HOXC4: variants seen among roughly 807,000 people sequenced by gnomAD.
The protein encoded by HOXC4 is homeobox protein Hox-C4.
Under a neutral mutation model 25.5 loss-of-function variants are expected in HOXC4, and 15 were observed. The ratio of observed to expected loss-of-function variants is 0.59; its 90% CI spans 0.39 to 0.91. The LOEUF (loss-of-function observed/expected upper bound fraction) is 0.91. Among genes scored for constraint, HOXC4 ranks in the 40% least tolerant of loss-of-function variants. The pLI is 0.00. For missense variants in HOXC4, 342 were observed against 352.4 expected (o/e 0.97, Z 0.24); for synonymous variants, 165 against 148.0 (o/e 1.11, Z -0.83).
intron 1 of HOXC4, among the ~76,000 whole-genome samples, chr12:54,040,123 AT>A (rs1420466452): frequency 6.6e-6 from 1 of 152,262 alleles, no homozygotes; most frequent in East Asian, 1.9e-4. Flanking sequence ...GAGGCCTGAA[AT>A]TCTTGGTTTT....
At chr12:54,034,030 T>C (rs1166184665) in intron 1 of HOXC4, 2 of 683,228 alleles carry the variant, frequency 2.9e-6, no homozygotes, top group East Asian at 2.9e-5. Context: ...GGTCTCCCTC[T>C]TCCCCCCAAC....
intron 1 of HOXC4, chr12:54,033,296 CCACGGGGTAGA>C: frequency 6.2e-7 from 1 of 1,614,180 alleles, no homozygotes; most frequent in Non-Finnish European, 8.5e-7. Context: ...CCAACTCTCT[CCACGGGGTAGA>C]CATGGCTGCC....
intron 1 of HOXC4, chr12:54,035,485 G>A (rs1271423760): frequency 6.6e-6 from 1 of 152,296 alleles, no homozygotes; most frequent in Non-Finnish European, 1.5e-5. Flanking sequence ...AGCTTCTAGG[G>A]GCAGTGAGTA....
intron 1 of HOXC4, chr12:54,034,147 C>A: frequency 1.1e-6 from 1 of 896,176 alleles, no homozygotes. Flanking sequence ...GCCTGCGGCC[C>A]GCGTGGCCTG....
intron 1 of HOXC4, among the ~76,000 whole-genome samples, chr12:54,024,447 C>T (rs1208417054): frequency 2.0e-5 from 3 of 152,240 alleles, no homozygotes; most frequent in African/African-American, 4.8e-5. Flanking sequence ...CAAACATCCG[C>T]GCAGAGTTAG....
intron 1 of HOXC4, chr12:54,033,103 T>C: frequency 6.3e-7 from 1 of 1,588,116 alleles, no homozygotes; most frequent in Non-Finnish European, 8.6e-7. Context: ...GTGCAGAAAT[T>C]TTTTTGGGCC....
chr12:54,018,003 G>T (rs1048218813), intron 1 of HOXC4, among the ~76,000 whole-genome samples: 3 of 152,224 alleles, frequency 2.0e-5, no homozygotes, highest in Non-Finnish European at 4.4e-5. Flanking sequence ...GCAGCTAGGC[G>T]GCCGGCGGGG....
rs1941137544 is a variant in HOXC4 at position 54,034,755 on chromosome 12, TC to T, written c.-124+17345del. The T allele has an allele frequency of 6.4e-6, 3 of 472,050 alleles. No homozygotes were observed. The East Asian group carries it at 1.2e-4, about 19-fold the overall frequency. The allele number at this position is 472,050 out of a possible 1,614,324, so 29.2% of individuals were successfully genotyped here. ...GGCCCAGGGCAAGCTCCGCAGGACT[TC>T]CCCGGAGGGCTGCGGCGTACAGGCT... On this transcript the variant is annotated intron_variant, in intron 1 of 3. Coordinates refer to the HOXC4 transcript ENST00000303406.
chr12:54,053,754 T>C, upstream of HOXC4: 1 of 325,174 alleles, frequency 3.1e-6, no homozygotes, highest in Non-Finnish European at 6.0e-6. Context: ...ATTGGATACA[T>C]TTTGAATAAA....
chr12:54,052,889 C>T (rs1479599769), upstream of HOXC4, among the ~76,000 whole-genome samples: 2 of 152,174 alleles, frequency 1.3e-5, no homozygotes, highest in Non-Finnish European at 2.9e-5. Context: ...CTAGGTCTGC[C>T]CTCTGTGGGG....
At chr12:54,023,475 C>A (rs746423) in intron 1 of HOXC4, among the ~76,000 whole-genome samples, 3 of 152,082 alleles carry the variant, frequency 2.0e-5, no homozygotes, top group African/African-American at 7.2e-5. Flanking sequence ...CTTTCTTCTC[C>A]GTTTAATTGT....
intron 1 of HOXC4, chr12:54,022,091 C>T (rs1940473702): frequency 6.6e-6 from 1 of 152,300 alleles, no homozygotes; most frequent in African/African-American, 2.4e-5. Context: ...CTTGCCTAGG[C>T]TTTTCTTCCT....
At chr12:54,036,675 GCTCTCTCT>G (rs34092231) in intron 1 of HOXC4, among the ~76,000 whole-genome samples, 1 of 150,400 alleles carries the variant, frequency 6.6e-6, no homozygotes, top group Non-Finnish European at 1.5e-5. Flanking sequence ...CCAGACCAGT[GCTCTCTCT>G]CTCTCTCTCT....
chr12:54,037,009 G>T (rs1469874102), intron 1 of HOXC4, among the ~76,000 whole-genome samples: 1 of 152,204 alleles, frequency 6.6e-6, no homozygotes, highest in Non-Finnish European at 1.5e-5. Context: ...GCCTCCTCCC[G>T]GCAGGGTTTG....
upstream of HOXC4, chr12:54,053,812 C>A (rs1338957138): frequency 2.5e-6 from 2 of 789,526 alleles, no homozygotes; most frequent in East Asian, 5.2e-5. Context: ...TGTGATTGGC[C>A]GGAGGAGTCA....
At chr12:54,042,433 G>A (rs549700563) in intron 1 of HOXC4, among the ~76,000 whole-genome samples, 1 of 152,326 alleles carries the variant, frequency 6.6e-6, no homozygotes, top group Admixed American at 6.5e-5. Context: ...AAAGACAGGG[G>A]GAGATTGGTT....
At chr12:54,031,408 C>G (rs1940982092) in intron 1 of HOXC4, among the ~76,000 whole-genome samples, 2 of 152,234 alleles carry the variant, frequency 1.3e-5, no homozygotes, top group African/African-American at 4.8e-5. Flanking sequence ...AGCCTGGAAA[C>G]TGAGCTCTCG....
intron 1 of HOXC4, among the ~76,000 whole-genome samples, chr12:54,036,414 A>G (rs1941186012): frequency 1.3e-5 from 2 of 152,144 alleles, no homozygotes; most frequent in Non-Finnish European, 2.9e-5. Flanking sequence ...GGGAATATTT[A>G]TGATTATTAA....
intron 1 of HOXC4, chr12:54,033,247 G>T (rs1941056506): frequency 6.2e-7 from 1 of 1,614,060 alleles, no homozygotes; most frequent in Non-Finnish European, 8.5e-7. Flanking sequence ...TGCTACGGCG[G>T]ATTGGACTTA....
Sources: gnomAD v4.1 joint callset for allele counts (sites outside exome capture counted in the v4.1 genomes callset) on GRCh38, gnomAD v4.1.1 for gene constraint, MANE v1.5 for transcripts, NCBI Gene and HGNC (gene_info 2026-07-23, HGNC 2026-07-21) for gene names.